DOCK10: variants seen among roughly 807,000 people sequenced by gnomAD.
DOCK10 encodes dedicator of cytokinesis 10, also known as dedicator of cytokinesis protein 10.
DOCK10 carries 145 observed loss-of-function variants against 280.1 expected under a neutral mutation model. The ratio of observed to expected loss-of-function variants is 0.52; its 90% CI spans 0.45 to 0.59. DOCK10 has a LOEUF of 0.59. Ranked by LOEUF, DOCK10 falls within the 20% of genes least tolerant of loss-of-function variation. DOCK10 has a pLI of 0.00. For missense variants in DOCK10, 2,368 were observed against 2,651.7 expected (o/e 0.89, Z 2.35); for synonymous variants, 915 against 942.2 (o/e 0.97, Z 0.53).
intron 27 of DOCK10, among the ~76,000 whole-genome samples, chr2:224,824,359 C>A (rs566220867): frequency 6.6e-6 from 1 of 151,854 alleles, no homozygotes; most frequent in Non-Finnish European, 1.5e-5. Flanking sequence ...AGATATCCAT[C>A]CCTCCTGTTT....
intron 1 of DOCK10, among the ~76,000 whole-genome samples, chr2:224,967,793 A>G (rs1048855928): frequency 2.6e-5 from 4 of 151,708 alleles, no homozygotes; most frequent in Non-Finnish European, 4.4e-5. Flanking sequence ...ATCTGAGAGG[A>G]GTGTGGGACT....
intron 26 of DOCK10, among the ~76,000 whole-genome samples, chr2:224,832,624 C>T (rs1559512842): frequency 6.6e-6 from 1 of 152,200 alleles, no homozygotes; most frequent in African/African-American, 2.4e-5. Context: ...CAATAGCATT[C>T]TAATGGCTAT....
chr2:224,801,831 C>A, intron 40 of DOCK10, 85 bp downstream of exon 40: 1 of 1,388,352 alleles, frequency 7.2e-7, no homozygotes, highest in Non-Finnish European at 1.0e-6. Context: ...ACCTTAAAAA[C>A]TGTGGTTTTA....
intron 31 of DOCK10, among the ~76,000 whole-genome samples, chr2:224,808,411 T>A (rs1280661244): frequency 6.6e-6 from 1 of 152,168 alleles, no homozygotes; most frequent in Non-Finnish European, 1.5e-5. Flanking sequence ...GGATATGTTA[T>A]AAGTAGGAAT....
intron 15 of DOCK10, among the ~76,000 whole-genome samples, chr2:224,855,917 CA>C (rs1697103279): frequency 1.3e-5 from 2 of 152,148 alleles, no homozygotes; most frequent in Admixed American, 6.5e-5. Flanking sequence ...AATAAGTATT[CA>C]AAATTCACCA....
intron 11 of DOCK10, among the ~76,000 whole-genome samples, chr2:224,865,305 T>G (rs375227949): frequency 6.6e-6 from 1 of 152,182 alleles, no homozygotes; most frequent in East Asian, 1.9e-4. Flanking sequence ...ACTCTCTTCT[T>G]ATGTTGCATT....
At chr2:225,032,914 A>T (rs116782887) in intron 1 of DOCK10, among the ~76,000 whole-genome samples, 1,996 of 152,318 alleles carry the variant, frequency 0.013, 32 homozygotes, top group South Asian at 0.057. Flanking sequence ...AGCCTCAATT[A>T]GTCATTTAAA....
intron 11 of DOCK10, among the ~76,000 whole-genome samples, chr2:224,873,117 C>T (rs146369051): frequency 2.7e-3 from 406 of 152,250 alleles, no homozygotes; most frequent in African/African-American, 9.4e-3. Context: ...ATGTCCCATC[C>T]TACTAGTATT....
intron 18 of DOCK10, among the ~76,000 whole-genome samples, chr2:224,850,232 T>C (rs1224525782): frequency 6.6e-6 from 1 of 152,238 alleles, no homozygotes; most frequent in African/African-American, 2.4e-5. Flanking sequence ...TTCCTGAGTG[T>C]GTTCTTTTTG....
At chr2:225,024,744 A>T (rs1689874041) in intron 1 of DOCK10, among the ~76,000 whole-genome samples, 1 of 138,690 alleles carries the variant, frequency 7.2e-6, no homozygotes. Flanking sequence ...AAAAAAATTT[A>T]GCCGGGCATA....
chr2:224,938,330 T>G (rs1452364945), intron 1 of DOCK10, among the ~76,000 whole-genome samples: 1 of 152,180 alleles, frequency 6.6e-6, no homozygotes, highest in Non-Finnish European at 1.5e-5. Flanking sequence ...CTGAGTGGCT[T>G]CTTTAGTTTT....
chr2:225,016,396 G>A (rs1689590677), intron 1 of DOCK10, among the ~76,000 whole-genome samples: 1 of 151,598 alleles, frequency 6.6e-6, no homozygotes, highest in Non-Finnish European at 1.5e-5. Flanking sequence ...ATATTATGAT[G>A]TTCTTATATG....
At chr2:224,850,054 A>T (rs1696628501) in intron 18 of DOCK10, among the ~76,000 whole-genome samples, 1 of 152,178 alleles carries the variant, frequency 6.6e-6, no homozygotes, top group African/African-American at 2.4e-5. Context: ...GGTTTCTCCT[A>T]GGACCTCATT....
At chr2:224,961,850 C>T (rs567874866) in intron 1 of DOCK10, among the ~76,000 whole-genome samples, 1 of 152,236 alleles carries the variant, frequency 6.6e-6, no homozygotes, top group African/African-American at 2.4e-5. Context: ...CTGTGTCACA[C>T]AATTTAGGAA....
At chr2:224,817,842 C>A (rs1275193559) in intron 29 of DOCK10, among the ~76,000 whole-genome samples, 1 of 152,228 alleles carries the variant, frequency 6.6e-6, no homozygotes, top group Non-Finnish European at 1.5e-5. Flanking sequence ...AGCAACTAAG[C>A]ATGACGTGAA....
intron 1 of DOCK10, among the ~76,000 whole-genome samples, chr2:225,015,386 AT>A (rs1689562155): frequency 6.6e-6 from 1 of 152,260 alleles, no homozygotes; most frequent in South Asian, 2.1e-4. Context: ...CCTTTTCCAG[AT>A]TGCTTTATTA....
chr2:224,818,391 C>T (rs75512576), intron 29 of DOCK10, among the ~76,000 whole-genome samples: 6,205 of 149,262 alleles, frequency 0.042, 374 homozygotes, highest in African/African-American at 0.14. Flanking sequence ...AAAGGCCTGG[C>T]CCCTGCCTTT....
At chr2:224,851,325 T>C (rs1310443716) in intron 18 of DOCK10, among the ~76,000 whole-genome samples, 2 of 152,174 alleles carry the variant, frequency 1.3e-5, no homozygotes, top group Non-Finnish European at 2.9e-5. Flanking sequence ...CCAAACGTGC[T>C]TGCCATCTGA....
At chr2:225,018,750 T>C (rs202056499) in intron 1 of DOCK10, among the ~76,000 whole-genome samples, 2 of 50,026 alleles carry the variant, frequency 4.0e-5, no homozygotes, top group African/African-American at 9.9e-5. Flanking sequence ...TATATACACA[T>C]ACACATATGT....
Sources: allele counts gnomAD v4.1 joint callset (sites outside exome capture counted in the v4.1 genomes callset), GRCh38; gene constraint gnomAD v4.1.1; transcripts MANE v1.5; gene names NCBI Gene and HGNC (gene_info 2026-07-23, HGNC 2026-07-21).